Variants in SFI1 observed in about 807,000 individuals in gnomAD.
SFI1 encodes protein SFI1 homolog.
SFI1 carries 195 observed loss-of-function variants against 207.5 expected under a neutral mutation model. The ratio of observed to expected loss-of-function variants is 0.94; its 90% CI spans 0.84 to 1.06. The LOEUF is 1.06. Among genes scored for constraint, SFI1 ranks in the 50% least tolerant of loss-of-function variants. SFI1 has a pLI of 0.00. For synonymous variants in SFI1, 630 were observed against 598.9 expected (o/e 1.05, Z -0.76); for missense variants, 1,634 against 1,588.0 (o/e 1.03, Z -0.49).
rs142494418 is a variant in SFI1 at position 31,541,062 on chromosome 22, A to G, written c.339-5799A>G. Among the ~76,000 whole-genome samples, 166 of 152,180 alleles carry G rather than the reference A, an allele frequency of 1.1e-3. 1 individual carries two copies. The highest frequency in any genetic ancestry group is 2.0e-3 in the Non-Finnish European group (139 of 68,014). On this transcript the variant is annotated intron_variant, in intron 4 of 32. Coordinates refer to ENST00000400288, the MANE Select transcript of SFI1 (RefSeq NM_001007467.3). ...TTTGCTTGAGTGAATATGAGTGAATAATGGGATCCAGGGGCCTAACCACTT... is the reference window on the plus strand; with the variant it reads ...TTTGCTTGAGTGAATATGAGTGAATGATGGGATCCAGGGGCCTAACCACTT...
At chr22:31,612,986 T>C (rs1164817482) in intron 24 of SFI1, 156 bp from the exon 25 acceptor site, 1 of 696,386 alleles carries the variant, frequency 1.4e-6, no homozygotes, top group East Asian at 2.7e-5. Flanking sequence ...GTGTTGAGCA[T>C]CTCACCGCCA....
intron 1 of SFI1, among the ~76,000 whole-genome samples, chr22:31,501,818 A>G (rs1434525142): frequency 6.6e-6 from 1 of 152,182 alleles, no homozygotes; most frequent in Non-Finnish European, 1.5e-5. Context: ...TTGATTCTGG[A>G]TGGGTCCACT....
At chr22:31,506,391 CTACACACAG>C (rs998701744) in intron 1 of SFI1, among the ~76,000 whole-genome samples, 3 of 152,086 alleles carry the variant, frequency 2.0e-5, no homozygotes, top group Admixed American at 6.6e-5. Flanking sequence ...AAAATGAAAA[CTACACACAG>C]TAACACTGAT....
chr22:31,517,031 G>A (rs2056620460), intron 2 of SFI1, among the ~76,000 whole-genome samples: 2 of 151,894 alleles, frequency 1.3e-5, no homozygotes, highest in Admixed American at 6.6e-5. Flanking sequence ...CTACTTGGGA[G>A]GCTGAAGCGG....
At position 31,575,247 on chromosome 22, in the gene SFI1, C is replaced by T; in HGVS notation, c.939C>T (p.Phe313=). Residue 313 remains phenylalanine (F), a synonymous_variant, in exon 10 of 33, where the codon TTC becomes TTT. Transcript: ENST00000400288. ...KRQQNEMAER[F]HHVTVLQIYF... ...CTGTTGCAGAGATGGCTGAGCGATT[C>T]CATCATGTCACTGTGCTCCAGATAT... The T allele has an allele frequency of 1.2e-6, 2 of 1,610,072 alleles. No homozygotes were observed. The highest frequency in any genetic ancestry group is 1.7e-6 in the Non-Finnish European group (2 of 1,178,066).
chr22:31,594,481 G>A (rs572045674), intron 15 of SFI1, among the ~76,000 whole-genome samples: 456 of 149,244 alleles, frequency 3.1e-3, no homozygotes, highest in African/African-American at 0.011. Context: ...TTGGGAGATG[G>A]AGGTTGCCGT....
intron 4 of SFI1, among the ~76,000 whole-genome samples, chr22:31,543,504 C>G (rs979248066): frequency 6.6e-6 from 1 of 152,056 alleles, no homozygotes; most frequent in East Asian, 1.9e-4. Context: ...TCTTTGTAAG[C>G]TAGTTTTTAA....
intron 4 of SFI1, among the ~76,000 whole-genome samples, chr22:31,533,359 C>G (rs2058698194): frequency 6.6e-6 from 1 of 152,102 alleles, no homozygotes; most frequent in South Asian, 2.1e-4. Flanking sequence ...GAAACTTTGT[C>G]TCTACTGAAA....
chr22:31,610,380 A>T (rs2069872098), intron 22 of SFI1, among the ~76,000 whole-genome samples: 1 of 152,156 alleles, frequency 6.6e-6, no homozygotes, highest in South Asian at 2.1e-4. Context: ...GTAGAGAGAT[A>T]CACACTTAGG....
intron 1 of SFI1, 62 bp from the exon 2 acceptor site, chr22:31,508,193 A>C: frequency 1.1e-6 from 1 of 930,976 alleles, no homozygotes; most frequent in Non-Finnish European, 1.8e-6. Flanking sequence ...TATAGTTCAG[A>C]AATGTGGCTC....
At position 31,612,389 on chromosome 22, in the gene SFI1, AAAAAAAAAAATATATATATAT is replaced by A. The variant is rs1313659312; in HGVS notation, c.2490+551_2490+571del. The A allele has an allele frequency of 1.7e-5, 2 of 120,724 alleles. 1 individual carries two copies. Among genetic ancestry groups the A allele is most frequent in the East Asian group, 5.8e-4 (2 of 3,420 alleles). The allele number at this position is 120,724 out of a possible 1,614,324, so 7.5% of individuals were successfully genotyped here. The stretch of plus-strand genomic sequence containing the variant: ...AGCGAGACTCTGTCTAAAAAAAAAA[AAAAAAAAAAATATATATATAT>A]ATATATATATATATATAATCAGTGG... On this transcript the variant is annotated intron_variant, in intron 24 of 32. Coordinates refer to ENST00000400288, the MANE Select transcript of SFI1 (RefSeq NM_001007467.3).
rs900541559 is a variant in SFI1 at position 31,618,226 on chromosome 22, G to T, written c.3624G>T (p.Gln1208His). The change falls in exon 32 of 33, where the codon CAG (glutamine) becomes CAT (histidine). Residue 1208 changes from glutamine to histidine, a missense_variant and splice_region_variant. By Grantham distance (24) the Gln-to-His change is conservative. Coordinates refer to ENST00000400288, the MANE Select transcript of SFI1 (RefSeq NM_001007467.3). Reference sequence around the variant, plus strand: ...AGCAGGTGCAGAAAGAGCTGGAACAGGTGAGGCCCCAGGCCATCCCCAGGT... The same window carrying T: ...AGCAGGTGCAGAAAGAGCTGGAACATGTGAGGCCCCAGGCCATCCCCAGGT... ...VEQQVQKELE[Q>H]VEMQIQLLAE... 3.8e-6 allele frequency: 6 copies of T among 1,596,058 alleles called. No individual in the cohort carries two copies. The African/African-American group carries it at 6.7e-5, about 18-fold the overall frequency.
rs762465340 is a variant in SFI1, at chr22:31,561,356, T to A, written c.729T>A (p.Ser243=). The A allele has an allele frequency of 3.7e-6, 6 of 1,614,128 alleles. No individual in the cohort carries two copies. ...QVRVSRALHA[S]ALKHRALSLQ... is the part of the protein sequence containing the mutation. ...GTGTGAGCCGTGCCCTCCATGCCTC[T>A]GCTTTGAAGCACAGGGCCCTGAGCC... The change falls in exon 8 of 33, where the codon TCT becomes TCA. Residue 243 remains serine, a synonymous_variant. Transcript: ENST00000400288.
intron 6 of SFI1, among the ~76,000 whole-genome samples, chr22:31,552,555 G>T (rs1329104920): frequency 6.6e-6 from 1 of 152,108 alleles, no homozygotes; most frequent in African/African-American, 2.4e-5. Flanking sequence ...CCCGGCTGTG[G>T]TGTATATTTT....
intron 9 of SFI1, 143 bp downstream of exon 9, chr22:31,573,357 T>C: frequency 1.5e-6 from 1 of 684,996 alleles, no homozygotes; most frequent in Non-Finnish European, 2.3e-6. Context: ...GGAAAATACA[T>C]CATCCTTGAG....
At chr22:31,551,570 T>G (rs1190521195) in intron 6 of SFI1, among the ~76,000 whole-genome samples, 1 of 152,200 alleles carries the variant, frequency 6.6e-6, no homozygotes, top group East Asian at 1.9e-4. Context: ...TTCTAAGACT[T>G]TGATACACAC....
intron 2 of SFI1, among the ~76,000 whole-genome samples, chr22:31,524,193 T>G (rs1234059354): frequency 6.6e-6 from 1 of 151,926 alleles, no homozygotes; most frequent in East Asian, 1.9e-4. Flanking sequence ...CAGAGTGAGA[T>G]TCCATCTCAA....
intron 2 of SFI1, among the ~76,000 whole-genome samples, chr22:31,522,242 A>G: frequency 6.6e-6 from 1 of 150,732 alleles, no homozygotes; most frequent in East Asian, 2.0e-4. Context: ...TAATTTTTGT[A>G]TTTTTGGTAG....
chr22:31,559,577 C>A, intron 7 of SFI1: 3 of 628,382 alleles, frequency 4.8e-6, no homozygotes, highest in Non-Finnish European at 8.8e-6. Flanking sequence ...GCCATCACTG[C>A]CATTAAGGAT....
Sources: allele counts gnomAD v4.1 joint callset (sites outside exome capture counted in the v4.1 genomes callset), GRCh38; gene constraint gnomAD v4.1.1; transcripts MANE v1.5; gene names NCBI Gene and HGNC (gene_info 2026-07-23, HGNC 2026-07-21).